Variants in RNF149 observed in about 807,000 individuals in gnomAD.
RNF149 encodes E3 ubiquitin-protein ligase RNF149.
In RNF149, 21 loss-of-function variants were observed where a neutral mutation model predicts 39.0. That is an observed-to-expected ratio of 0.54 (90% CI 0.38 to 0.77). RNF149 has a LOEUF of 0.77. Ranked by LOEUF, RNF149 falls within the 30% of genes least tolerant of loss-of-function variation. The pLI, the probability that RNF149 is intolerant of heterozygous loss-of-function variation, is 0.00. For synonymous variants in RNF149, 209 were observed against 213.6 expected (o/e 0.98, Z 0.19); for missense variants, 493 against 534.9 (o/e 0.92, Z 0.77).
In RNF149 at chr2:101,308,284, C is replaced by A. The variant is rs1683760987; in HGVS notation, c.305G>T (p.Gly102Val). Residue 102 changes from glycine to valine, a missense_variant, in exon 1 of 7, where the codon GGC (glycine) becomes GTC (valine). Coordinates refer to ENST00000295317, the MANE Select transcript of RNF149 (RefSeq NM_173647.4). ...GACCCAGGGCGCGGCCCCTCGGCCG[C>A]CGGGCTCGGGCACGAAGAAGCGCGT... is the stretch of plus-strand genomic sequence containing the variant. ...PDTRFFVPEP[G>V]GRGAAPWVAL... is the part of the protein sequence containing the mutation. 6.3e-7 allele frequency: 1 copy of A among 1,577,012 alleles called. No homozygotes were observed. Among genetic ancestry groups the A allele is most frequent in the East Asian group, 2.4e-5 (1 of 42,362 alleles).
chr2:101,298,407 A>G (rs1217541079), intron 1 of RNF149, among the ~76,000 whole-genome samples: 1 of 152,232 alleles, frequency 6.6e-6, no homozygotes, highest in Non-Finnish European at 1.5e-5. Context: ...CCTGGGCAAC[A>G]GAGCAAGACA....
intron 1 of RNF149, among the ~76,000 whole-genome samples, chr2:101,304,538 C>T (rs1683583651): frequency 6.6e-6 from 1 of 152,218 alleles, no homozygotes; most frequent in Non-Finnish European, 1.5e-5. Context: ...TCAAGGCCTA[C>T]ACCTCTCATG....
chr2:101,306,236 G>A (rs940164750), intron 1 of RNF149, among the ~76,000 whole-genome samples: 6 of 152,084 alleles, frequency 3.9e-5, no homozygotes, highest in African/African-American at 1.4e-4. Flanking sequence ...TGATGAACCT[G>A]CTATTTGAAA....
Position 101,294,789 on chromosome 2 carries a change from T to TCCAAAAAGTC in RNF149, c.711+141_711+142insGACTTTTTGG. The TCCAAAAAGTC allele has an allele frequency of 4.2e-6, 3 of 716,914 alleles. No homozygotes were observed. The East Asian group carries it at 8.2e-5, about 20-fold the overall frequency. 44.4% of individuals were successfully genotyped at this position (716,914 alleles called of 1,614,324 possible). ...ATTTAACATAGTCCAATTAAAAAGT[T>TCCAAAAAGTC]ACTTCCAAAAAGTCATGTTGAATAC... is the stretch of plus-strand genomic sequence containing the variant. On this transcript the variant is annotated intron_variant, in intron 2 of 6. Transcript: ENST00000295317.
At chr2:101,294,594 C>G (rs1410917714) in intron 2 of RNF149, 1 of 238,294 alleles carries the variant, frequency 4.2e-6, no homozygotes, top group Admixed American at 5.2e-5. Flanking sequence ...TTTGCTGTCA[C>G]TGAGAGAGAT....
intron 3 of RNF149, among the ~76,000 whole-genome samples, chr2:101,290,084 G>A (rs1258650281): frequency 6.6e-6 from 1 of 152,158 alleles, no homozygotes; most frequent in African/African-American, 2.4e-5. Flanking sequence ...AGAGGCTGAG[G>A]CAGGAGAATC....
At chr2:101,300,903 C>T (rs12617343) in intron 1 of RNF149, among the ~76,000 whole-genome samples, 90,872 of 152,014 alleles carry the variant, frequency 0.6, 27,525 homozygotes, top group African/African-American at 0.68. Context: ...GGGCACCTTG[C>T]GGGCCCTACT....
rs117613551 is a variant in RNF149, at chr2:101,284,552, G to T, written c.960+1529C>A. Among the ~76,000 whole-genome samples, 176 of 152,258 alleles carry T rather than the reference G, an allele frequency of 1.2e-3. 5 individuals are homozygous for T. The East Asian group carries it at 0.031, about 27-fold the overall frequency. ...GCCAAGATCACGCCATTGAACTCCA[G>T]CCTCGGCGACAGAGTGAGGCTGTCT... On this transcript the variant is annotated intron_variant, in intron 5 of 6. Coordinates refer to ENST00000295317, the MANE Select transcript of RNF149 (RefSeq NM_173647.4).
chr2:101,272,261 C>T (rs1423501132), downstream of RNF149, among the ~76,000 whole-genome samples: 1 of 152,132 alleles, frequency 6.6e-6, no homozygotes, highest in Non-Finnish European at 1.5e-5. Context: ...TCTCACTAGC[C>T]AATAATACAG....
intron 1 of RNF149, among the ~76,000 whole-genome samples, chr2:101,307,548 G>A (rs1245365366): frequency 6.6e-6 from 1 of 152,154 alleles, no homozygotes; most frequent in African/African-American, 2.4e-5. Flanking sequence ...CAGGAAATCT[G>A]ACTGGCAGTA....
chr2:101,279,195 GGGACA>G (rs1682479580), intron 6 of RNF149, among the ~76,000 whole-genome samples: 1 of 152,174 alleles, frequency 6.6e-6, no homozygotes, highest in African/African-American at 2.4e-5. Flanking sequence ...GGGTGGGGTG[GGGACA>G]CTGGGGAAAC....
At chr2:101,292,570 T>C (rs1683056844) in intron 3 of RNF149, among the ~76,000 whole-genome samples, 1 of 152,130 alleles carries the variant, frequency 6.6e-6, no homozygotes, top group Non-Finnish European at 1.5e-5. Flanking sequence ...ATGGAGACCA[T>C]CCTGGCTAAC....
intron 4 of RNF149, 58 bp from the exon 5 acceptor site, chr2:101,286,235 A>G (rs1682787807): frequency 1.9e-6 from 2 of 1,027,678 alleles, no homozygotes; most frequent in South Asian, 1.3e-5. Context: ...TAACTTATAA[A>G]GGAAATAAGA....
intron 6 of RNF149, among the ~76,000 whole-genome samples, chr2:101,280,198 A>G (rs1161069780): frequency 7.1e-6 from 1 of 140,048 alleles, no homozygotes; most frequent in African/African-American, 2.6e-5. Context: ...TAATAATAAT[A>G]ATAATGATGA....
chr2:101,276,310 A>G lies in RNF149; in HGVS notation c.*928T>C. 2 of 985,668 alleles carry G rather than the reference A, an allele frequency of 2.0e-6. No homozygotes were observed. Among genetic ancestry groups the G allele is most frequent in the Non-Finnish European group, 2.4e-6 (2 of 829,922 alleles). 61.1% of individuals were successfully genotyped at this position (985,668 alleles called of 1,614,324 possible). ...GCCTGCTCCTTTGACCCAAAAGAAC[A>G]GCAAGCAAGTAAAAAAGAAGAAACG... is the stretch of plus-strand genomic sequence containing the variant. On this transcript the variant is annotated 3_prime_UTR_variant, in exon 7 of 7. Coordinates refer to ENST00000295317, the MANE Select transcript of RNF149 (RefSeq NM_173647.4).
chr2:101,294,153 A>G, intron 2 of RNF149, 71 bp from the exon 3 acceptor site: 2 of 859,340 alleles, frequency 2.3e-6, no homozygotes, highest in Non-Finnish European at 3.9e-6. Context: ...TAAAAGTCAC[A>G]AATATAATAC....
At chr2:101,295,669 A>C (rs1683204331) in intron 1 of RNF149, among the ~76,000 whole-genome samples, 1 of 151,864 alleles carries the variant, frequency 6.6e-6, no homozygotes, top group Non-Finnish European at 1.5e-5. Context: ...TCAAAAAAAA[A>C]AAAAAAAGAA....
intron 3 of RNF149, among the ~76,000 whole-genome samples, 192 bp downstream of exon 3, chr2:101,293,822 G>A (rs1022582477): frequency 1.3e-5 from 2 of 152,212 alleles, no homozygotes; most frequent in Non-Finnish European, 2.9e-5. Flanking sequence ...TCACCAGTGA[G>A]GGGCTCAATT....
At chr2:101,306,044 CGAA>C (rs1202155006) in intron 1 of RNF149, among the ~76,000 whole-genome samples, 3 of 152,112 alleles carry the variant, frequency 2.0e-5, no homozygotes, top group Admixed American at 2.0e-4. Context: ...AGAGAAGCTC[CGAA>C]GAAGTGGATT....
Sources: allele counts gnomAD v4.1 joint callset (sites outside exome capture counted in the v4.1 genomes callset), GRCh38; gene constraint gnomAD v4.1.1; transcripts MANE v1.5; gene names NCBI Gene and HGNC (gene_info 2026-07-23, HGNC 2026-07-21).